The following TNFSF4 variants were observed in gnomAD, a reference collection of about 807,000 sequenced individuals.
TNFSF4 encodes the protein TNF superfamily member 4, also known as tumor necrosis factor ligand superfamily member 4.
Under a neutral mutation model 7.3 loss-of-function variants are expected in TNFSF4, and 4 were observed. The observed-to-expected ratio is 0.55, with a 90% CI of 0.27 to 1.25. The LOEUF is 1.25. Ranked by LOEUF, TNFSF4 falls within the 50% of genes most tolerant of loss-of-function variation. The pLI is 0.12. For synonymous variants in TNFSF4, 76 were observed against 83.7 expected (o/e 0.91, Z 0.50); for missense variants, 181 against 208.8 (o/e 0.87, Z 0.82).
the TNFSF4 span, among the ~76,000 whole-genome samples, chr1:173,221,287 G>C: frequency 2.0e-3 from 308 of 152,302 alleles, 1 homozygote; most frequent in Non-Finnish European, 3.4e-3. Context: ...TCAATTAGGA[G>C]AGTGATTTCA....
chr1:173,440,044 A>G, the TNFSF4 span, among the ~76,000 whole-genome samples: 1 of 152,342 alleles, frequency 6.6e-6, no homozygotes, highest in African/African-American at 2.4e-5. Flanking sequence ...TAGTTACTAC[A>G]TTCAGAGAAT....
At chr1:173,250,429 T>C in the TNFSF4 span, among the ~76,000 whole-genome samples, 1 of 152,104 alleles carries the variant, frequency 6.6e-6, no homozygotes, top group African/African-American at 2.4e-5. Flanking sequence ...GTCTTATTCA[T>C]TTCAGTATCT....
chr1:173,361,915 T>G, the TNFSF4 span, among the ~76,000 whole-genome samples: 1 of 152,218 alleles, frequency 6.6e-6, no homozygotes, highest in Non-Finnish European at 1.5e-5. Flanking sequence ...TAGGTAGCCA[T>G]GACAATTCAT....
the TNFSF4 span, among the ~76,000 whole-genome samples, chr1:173,255,826 C>G: frequency 6.6e-6 from 1 of 152,192 alleles, no homozygotes; most frequent in Non-Finnish European, 1.5e-5. Context: ...TGTGCCCCCA[C>G]CTCCAAGACC....
the TNFSF4 span, among the ~76,000 whole-genome samples, chr1:173,217,637 G>T: frequency 6.6e-6 from 1 of 152,140 alleles, no homozygotes; most frequent in Non-Finnish European, 1.5e-5. Context: ...TGCTTTACCA[G>T]CAAATGACTA....
the TNFSF4 span, among the ~76,000 whole-genome samples, chr1:173,273,774 G>A: frequency 6.6e-6 from 1 of 152,024 alleles, no homozygotes; most frequent in African/African-American, 2.4e-5. Context: ...AAGATTCAAA[G>A]TAATATTAGC....
the TNFSF4 span, among the ~76,000 whole-genome samples, chr1:173,374,128 T>C: frequency 6.6e-6 from 1 of 152,192 alleles, no homozygotes; most frequent in African/African-American, 2.4e-5. Context: ...CCTCACAACA[T>C]GGGGCTCAGT....
At chr1:173,328,716 C>G in the TNFSF4 span, among the ~76,000 whole-genome samples, 5 of 151,866 alleles carry the variant, frequency 3.3e-5, no homozygotes, top group East Asian at 5.8e-4. Flanking sequence ...AACTGCTAGA[C>G]GAAAACGTAG....
At chr1:173,364,381 GTATA>G in the TNFSF4 span, among the ~76,000 whole-genome samples, 15 of 140,794 alleles carry the variant, frequency 1.1e-4, no homozygotes, top group South Asian at 2.2e-4. Context: ...GGGTGTATGT[GTATA>G]TATATATATA....
chr1:173,417,371 A>C, the TNFSF4 span, among the ~76,000 whole-genome samples: 3 of 152,256 alleles, frequency 2.0e-5, no homozygotes, highest in Non-Finnish European at 4.4e-5. Context: ...CTGGTGCAAA[A>C]AAAGTCTTCA....
chr1:173,447,831 C>T, the TNFSF4 span, among the ~76,000 whole-genome samples: 2 of 152,036 alleles, frequency 1.3e-5, no homozygotes, highest in East Asian at 1.9e-4. Context: ...ATTAAAACAT[C>T]GAGTTTGTCA....
the TNFSF4 span, among the ~76,000 whole-genome samples, chr1:173,431,013 TATCTTAACATTTCTTAGA>T: frequency 6.6e-6 from 1 of 152,374 alleles, no homozygotes; most frequent in Non-Finnish European, 1.5e-5. Flanking sequence ...GTTCACCTGT[TATCTTAACATTTCTTAGA>T]ATGTGGTTCA....
chr1:173,349,230 A>C, the TNFSF4 span, among the ~76,000 whole-genome samples: 2 of 151,992 alleles, frequency 1.3e-5, no homozygotes, highest in Admixed American at 1.3e-4. Context: ...GGGTTTCACC[A>C]CGTTAGCCAG....
chr1:173,427,953 CTTT>C, the TNFSF4 span, among the ~76,000 whole-genome samples: 54 of 133,574 alleles, frequency 4.0e-4, no homozygotes, highest in African/African-American at 6.8e-4. Context: ...CCATTATAAT[CTTT>C]TTTTTTTTTT....
At chr1:173,337,602 T>A in the TNFSF4 span, among the ~76,000 whole-genome samples, 6 of 152,322 alleles carry the variant, frequency 3.9e-5, no homozygotes, top group Admixed American at 3.3e-4. Flanking sequence ...AGTGGACAGC[T>A]GCAGCACTAT....
At chr1:173,221,508 CT>C in the TNFSF4 span, among the ~76,000 whole-genome samples, 2 of 152,242 alleles carry the variant, frequency 1.3e-5, no homozygotes, top group African/African-American at 2.4e-5. Flanking sequence ...AGCAATAAGA[CT>C]TACTGGATTA....
At chr1:173,407,490 G>A in the TNFSF4 span, among the ~76,000 whole-genome samples, 1 of 145,626 alleles carries the variant, frequency 6.9e-6, no homozygotes, top group South Asian at 2.2e-4. Flanking sequence ...AGCCCAGGAA[G>A]TGGAGGTTGC....
chr1:173,437,330 C>T, the TNFSF4 span, among the ~76,000 whole-genome samples: 1 of 152,080 alleles, frequency 6.6e-6, no homozygotes. Context: ...GGTCTCTCGG[C>T]TTTTTCTTTT....
the TNFSF4 span, among the ~76,000 whole-genome samples, chr1:173,374,804 C>A: frequency 6.6e-6 from 1 of 152,162 alleles, no homozygotes; most frequent in African/African-American, 2.4e-5. Flanking sequence ...CCTATCAGTG[C>A]CCCTCAAAGC....
Sources: allele counts gnomAD v4.1 joint callset (sites outside exome capture counted in the v4.1 genomes callset), GRCh38; gene constraint gnomAD v4.1.1; transcripts MANE v1.5; gene names NCBI Gene and HGNC (gene_info 2026-07-23, HGNC 2026-07-21).